KLHL14: variants seen among roughly 807,000 people sequenced by gnomAD.
KLHL14 encodes kelch-like protein 14.
A neutral mutation model predicts 64.3 loss-of-function variants in KLHL14; 22 were observed. The ratio of observed to expected loss-of-function variants is 0.34; its 90% CI spans 0.24 to 0.49. KLHL14 has a LOEUF of 0.49. Among genes scored for constraint, KLHL14 ranks in the 20% least tolerant of loss-of-function variants. The pLI, the probability that KLHL14 is intolerant of heterozygous loss-of-function variation, is 0.99. For synonymous variants in KLHL14, 322 were observed against 333.4 expected, an observed-to-expected ratio of 0.97 and a Z score of 0.37; for missense variants, 661 against 789.0, an observed-to-expected ratio of 0.84 and a Z score of 1.94.
intron 3 of KLHL14, among the ~76,000 whole-genome samples, chr18:32,720,780 C>T (rs1166588835): frequency 2.0e-5 from 3 of 152,154 alleles, no homozygotes; most frequent in African/African-American, 7.2e-5. Flanking sequence ...GTGACTTTCA[C>T]TGAGATGAAG....
At chr18:32,695,404 A>G (rs2049931653) in intron 4 of KLHL14, 59 bp downstream of exon 4, 1 of 1,006,902 alleles carries the variant, frequency 9.9e-7, no homozygotes, top group Non-Finnish European at 1.6e-6. Flanking sequence ...ACTGCTACTG[A>G]TGCCCTTCAT....
intron 3 of KLHL14, among the ~76,000 whole-genome samples, chr18:32,721,877 T>C (rs8083192): frequency 0.29 from 44,802 of 152,048 alleles, 6,864 homozygotes; most frequent in African/African-American, 0.37. Context: ...TCTCTAGAAC[T>C]CTCCTGGCCA....
intron 5 of KLHL14, 45 bp downstream of exon 5, chr18:32,687,110 G>T (rs1327777636): frequency 6.6e-7 from 1 of 1,512,644 alleles, no homozygotes; most frequent in Non-Finnish European, 9.2e-7. Context: ...CATGCCTCCT[G>T]TAAAGCCGTC....
chr18:32,690,027 GGGGAAGAGA>G (rs1374465249), intron 4 of KLHL14, among the ~76,000 whole-genome samples: 2 of 152,176 alleles, frequency 1.3e-5, no homozygotes, highest in Non-Finnish European at 2.9e-5. Flanking sequence ...CTCAGGGGCA[GGGGAAGAGA>G]GGGAAGAGAG....
intron 3 of KLHL14, chr18:32,740,713 T>C (rs369065657): frequency 1.6e-4 from 24 of 152,232 alleles, no homozygotes; most frequent in African/African-American, 5.8e-4. Context: ...TTTTAAGACA[T>C]CACTAACTTA....
chr18:32,758,992 G>A (rs774905598), intron 2 of KLHL14, among the ~76,000 whole-genome samples: 2 of 152,164 alleles, frequency 1.3e-5, no homozygotes, highest in Non-Finnish European at 2.9e-5. Context: ...ATGGGTTTTT[G>A]GGGGAGGGAA....
Position 32,716,919 on chromosome 18 carries a change from ATTC to A in KLHL14, c.1070-21370_1070-21368del, listed in dbSNP as rs201483010. ...AATTTTAATTTTCTATTATTTACAT[ATTC>A]TTATTTGTCCCAATATCCTCATCTG... On this transcript the variant is annotated intron_variant, in intron 3 of 8. Coordinates refer to ENST00000359358, the MANE Select transcript of KLHL14 (RefSeq NM_020805.3). 1.7e-3 allele frequency among the ~76,000 whole-genome samples: 253 copies of A among 152,270 alleles called. 6 individuals are homozygous for A. In the East Asian group the frequency reaches 0.041, roughly 24 times the overall value.
intron 3 of KLHL14, among the ~76,000 whole-genome samples, chr18:32,717,902 C>T (rs2050054417): frequency 6.6e-6 from 1 of 152,200 alleles, no homozygotes; most frequent in African/African-American, 2.4e-5. Context: ...CGTTCATTTT[C>T]TTGGTTTCAT....
Position 32,770,716 on chromosome 18 carries a change from T to C in KLHL14, c.-43-82A>G. The C allele has an allele frequency of 1.3e-5, 1 of 78,228 alleles. No individual in the cohort carries two copies. The highest frequency in any genetic ancestry group is 3.6e-4 in the East Asian group (1 of 2,766). The allele number at this position is 78,228 out of a possible 1,614,324, so 4.8% of individuals were successfully genotyped here. A position where few individuals can be genotyped will look rare whatever the true frequency, so the allele number is the denominator to read the frequency against. On this transcript the variant is annotated intron_variant, in intron 1 of 8. Transcript: ENST00000359358. This position sits in a 1 kb window ranked among gnomAD's most constrained non-coding sequence, Gnocchi z 6.7. Reference sequence around the variant, plus strand: ...GGTGTGGTCGGGGTGGGGAAGGGTGTGGAGGGGAGGGGAGGGCGAAGAACA... The same window carrying C: ...GGTGTGGTCGGGGTGGGGAAGGGTGCGGAGGGGAGGGGAGGGCGAAGAACA...
chr18:32,711,312 A>G (rs1457596770), intron 3 of KLHL14, among the ~76,000 whole-genome samples: 1 of 152,066 alleles, frequency 6.6e-6, no homozygotes, highest in Non-Finnish European at 1.5e-5. Context: ...TTTGGGGAGA[A>G]GGAGTAGGCA....
intron 4 of KLHL14, 129 bp from the exon 5 acceptor site, chr18:32,687,362 A>C: frequency 2.7e-6 from 2 of 743,720 alleles, no homozygotes; most frequent in South Asian, 3.1e-5. Flanking sequence ...GGAATACCTA[A>C]CACAGCACGG....
chr18:32,755,351 C>T (rs2050276420), intron 2 of KLHL14, among the ~76,000 whole-genome samples: 1 of 152,140 alleles, frequency 6.6e-6, no homozygotes, highest in Non-Finnish European at 1.5e-5. Context: ...TTACCATATT[C>T]TCTGAAGCTG....
At position 32,766,376 on chromosome 18, in the gene KLHL14, C is replaced by T. The variant is rs749025945; in HGVS notation, c.947+3269G>A. ...ATATACTAAACACTGCATATCATGT[C>T]GCTTTATGAAACTAAATTTTCATGC... On this transcript the variant is annotated intron_variant, in intron 2 of 8. Transcript: ENST00000359358. Among the ~76,000 whole-genome samples the T allele has an allele frequency of 1.1e-4, 16 of 152,016 alleles. 1 individual carries two copies. In the South Asian group the frequency reaches 2.3e-3, roughly 22 times the overall value.
intron 3 of KLHL14, among the ~76,000 whole-genome samples, chr18:32,708,878 T>C (rs545775543): frequency 1.3e-5 from 2 of 152,268 alleles, no homozygotes; most frequent in East Asian, 3.9e-4. Flanking sequence ...AAATTTTGTT[T>C]CTTAGTCATT....
intron 2 of KLHL14, among the ~76,000 whole-genome samples, chr18:32,762,589 A>G (rs925016813): frequency 1.1e-4 from 17 of 152,076 alleles, no homozygotes; most frequent in African/African-American, 4.1e-4. Flanking sequence ...TTGCATTAAT[A>G]TTATTTGTGA....
chr18:32,687,289 TGTA>T, intron 4 of KLHL14, 56 bp from the exon 5 acceptor site: 1 of 1,355,126 alleles, frequency 7.4e-7, no homozygotes, highest in African/African-American at 1.4e-5. Context: ...GATTTGCACA[TGTA>T]GTAGTGTTTT....
At chr18:32,721,217 A>G (rs527704948) in intron 3 of KLHL14, among the ~76,000 whole-genome samples, 1 of 152,300 alleles carries the variant, frequency 6.6e-6, no homozygotes, top group South Asian at 2.1e-4. Context: ...AGCAGGAGAC[A>G]AAAAAGGGGC....
At chr18:32,755,693 C>T (rs2050278259) in intron 2 of KLHL14, among the ~76,000 whole-genome samples, 1 of 152,110 alleles carries the variant, frequency 6.6e-6, no homozygotes, top group Non-Finnish European at 1.5e-5. Flanking sequence ...GCAGAACTAC[C>T]TATGATGCTT....
chr18:32,741,277 T>G (rs1034294713), intron 3 of KLHL14, among the ~76,000 whole-genome samples: 20 of 152,198 alleles, frequency 1.3e-4, no homozygotes, highest in African/African-American at 4.8e-4. Context: ...ATAACCGATA[T>G]AACAATAAGT....
Sources: gnomAD v4.1 joint callset for allele counts (sites outside exome capture counted in the v4.1 genomes callset) on GRCh38, gnomAD v4.1.1 for gene constraint, Gnocchi (gnomAD v3.1) non-coding constraint, MANE v1.5 for transcripts, NCBI Gene and HGNC (gene_info 2026-07-23, HGNC 2026-07-21) for gene names.